The following HDAC8 variants were observed in gnomAD, a reference collection of about 807,000 sequenced individuals.
The protein encoded by HDAC8 is histone deacetylase-like 1.
In HDAC8, 1 loss-of-function variant was observed where a neutral mutation model predicts 32.2. That is an observed-to-expected ratio of 0.03 (90% CI 0.01 to 0.15). The LOEUF is 0.15. HDAC8 is among the 10% of genes least tolerant of loss of function. The pLI is 1.00. For synonymous variants in HDAC8, 108 were observed against 113.9 expected (o/e 0.95, Z 0.33); for missense variants, 117 against 300.0 (o/e 0.39, Z 4.51).
At chrX:72,469,572 G>T (rs781898810) in intron 7 of HDAC8, among the ~76,000 whole-genome samples, 2 of 112,070 alleles carry the variant, frequency 1.8e-5, no homozygotes, top group African/African-American at 6.5e-5. Context: ...TTTTTGCCTT[G>T]TCAGTCCTTA....
intron 7 of HDAC8, among the ~76,000 whole-genome samples, chrX:72,481,473 T>A (rs1204979959): frequency 1.8e-5 from 2 of 112,071 alleles, no homozygotes; most frequent in Non-Finnish European, 3.8e-5. Context: ...AAGAGAATTT[T>A]AAAAAATTTG....
At chrX:72,367,173 T>C (rs1429418304) in intron 9 of HDAC8, among the ~76,000 whole-genome samples, 1 of 112,019 alleles carries the variant, frequency 8.9e-6, no homozygotes, top group Admixed American at 9.5e-5. Flanking sequence ...GAGGTGTTTC[T>C]TAAGGCAAGG....
At chrX:72,511,775 A>T (rs1465392739) in intron 4 of HDAC8, among the ~76,000 whole-genome samples, 1 of 112,249 alleles carries the variant, frequency 8.9e-6, no homozygotes, top group Non-Finnish European at 1.9e-5. Flanking sequence ...TGCTCTTCAA[A>T]TATCCTTTTG....
chrX:72,354,155 A>G, intron 9 of HDAC8, among the ~76,000 whole-genome samples: 1 of 112,128 alleles, frequency 8.9e-6, no homozygotes, highest in Non-Finnish European at 1.9e-5. Flanking sequence ...GTTTTAACTA[A>G]CTGAGCGACA....
At chrX:72,564,900 A>C (rs1176027212) in intron 4 of HDAC8, among the ~76,000 whole-genome samples, 1 of 112,009 alleles carries the variant, frequency 8.9e-6, no homozygotes, top group Non-Finnish European at 1.9e-5. Context: ...TTCAAATGCA[A>C]TTATTTGCTG....
At chrX:72,570,993 C>T (rs1291139480) in intron 2 of HDAC8, among the ~76,000 whole-genome samples, 2 of 112,110 alleles carry the variant, frequency 1.8e-5, no homozygotes, top group Middle Eastern at 4.2e-3. Context: ...GGCGCAATCT[C>T]GGCTCACTGC....
intron 9 of HDAC8, among the ~76,000 whole-genome samples, chrX:72,378,172 A>G (rs2147814694): frequency 9.0e-6 from 1 of 111,037 alleles, no homozygotes; most frequent in African/African-American, 3.3e-5. Flanking sequence ...TCCCCACCAA[A>G]ACTCATTTAA....
At chrX:72,387,101 A>C (rs1236842748) in intron 9 of HDAC8, among the ~76,000 whole-genome samples, 1 of 112,502 alleles carries the variant, frequency 8.9e-6, no homozygotes, top group Non-Finnish European at 1.9e-5. Context: ...GGCAGAGCAC[A>C]ATGAGCTAGG....
intron 4 of HDAC8, among the ~76,000 whole-genome samples, chrX:72,522,583 T>C (rs1201394007): frequency 1.8e-5 from 2 of 112,276 alleles, no homozygotes; most frequent in East Asian, 5.6e-4. Flanking sequence ...TCATTGCCAG[T>C]GGTATGCCAG....
chrX:72,567,527 G>A, intron 4 of HDAC8: 1 of 417,531 alleles, frequency 2.4e-6, no homozygotes, highest in Non-Finnish European at 4.2e-6. Context: ...TAGACTGTAA[G>A]TCCCTCGAAG....
At position 72,559,277 on chromosome X, in the gene HDAC8, G is replaced by T. The variant is rs1556108563; in HGVS notation, c.437+8612C>A. Among the ~76,000 whole-genome samples, 3 of 108,262 alleles carry T rather than the reference G, an allele frequency of 2.8e-5. 1 individual carries two copies. In the East Asian group the frequency reaches 8.8e-4, roughly 32 times the overall value. The allele number at this position is 108,262 out of a possible 115,157, so 94.0% of individuals were successfully genotyped here. A position where few individuals can be genotyped will look rare whatever the true frequency, so the allele number is the denominator to read the frequency against. On this transcript the variant is annotated intron_variant, in intron 4 of 10. Transcript: ENST00000373573. ...GGTGGAGACGGGGTTTCGCTGTGTT[G>T]GCCAGGCTGGTCTCCAGCTCCTAAC...
At chrX:72,569,067 A>C (rs1309806647) in intron 2 of HDAC8, among the ~76,000 whole-genome samples, 183 bp from the exon 3 acceptor site, 1 of 112,201 alleles carries the variant, frequency 8.9e-6, no homozygotes, top group African/African-American at 3.2e-5. Context: ...CCTCACATCT[A>C]CAGTAGTGAC....
intron 9 of HDAC8, among the ~76,000 whole-genome samples, chrX:72,361,141 C>G (rs1427243966): frequency 8.9e-6 from 1 of 111,744 alleles, no homozygotes; most frequent in African/African-American, 3.3e-5. Flanking sequence ...TAGACTACAT[C>G]TGTATCCTAC....
At chrX:72,401,254 G>C (rs1326952027) in intron 9 of HDAC8, among the ~76,000 whole-genome samples, 1 of 111,441 alleles carries the variant, frequency 9.0e-6, no homozygotes, top group Non-Finnish European at 1.9e-5. Context: ...TTTATTTTTT[G>C]AGATAGGGTC....
At chrX:72,456,847 T>C (rs1434490003) in intron 9 of HDAC8, among the ~76,000 whole-genome samples, 1 of 110,619 alleles carries the variant, frequency 9.0e-6, no homozygotes, top group Non-Finnish European at 1.9e-5. Flanking sequence ...GATGCCCAGA[T>C]GTAAACCCCA....
At chrX:72,422,688 A>G (rs1333037813) in intron 9 of HDAC8, among the ~76,000 whole-genome samples, 3 of 111,989 alleles carry the variant, frequency 2.7e-5, no homozygotes, top group East Asian at 5.6e-4. Flanking sequence ...GTAAGCCTCA[A>G]CTGTAACCCT....
intron 9 of HDAC8, among the ~76,000 whole-genome samples, chrX:72,355,510 A>G (rs1352567920): frequency 9.0e-6 from 1 of 111,585 alleles, no homozygotes; most frequent in Admixed American, 9.5e-5. Context: ...AAGGGGGCAA[A>G]TGGAAAGTAT....
chrX:72,470,205 A>ATAC (rs1569321963), intron 7 of HDAC8, among the ~76,000 whole-genome samples: 3 of 102,047 alleles, frequency 2.9e-5, no homozygotes, highest in East Asian at 3.4e-4. Flanking sequence ...TACATACATA[A>ATAC]ATACAACATA....
chrX:72,550,725 A>G (rs2051038823), intron 4 of HDAC8, among the ~76,000 whole-genome samples: 1 of 111,776 alleles, frequency 8.9e-6, no homozygotes, highest in African/African-American at 3.3e-5. Flanking sequence ...AGAATTTATT[A>G]TCTTAGCCCC....
Sources: gnomAD v4.1 joint callset for allele counts (sites outside exome capture counted in the v4.1 genomes callset) on GRCh38, gnomAD v4.1.1 for gene constraint, MANE v1.5 for transcripts, NCBI Gene and HGNC (gene_info 2026-07-23, HGNC 2026-07-21) for gene names.